Variants in GAPVD1 observed in about 807,000 individuals in gnomAD.
GAPVD1 encodes the protein GTPase-activating protein and VPS9 domain-containing protein 1.
In GAPVD1, 35 loss-of-function variants were observed where a neutral mutation model predicts 155.5. The ratio of observed to expected loss-of-function variants is 0.23; its 90% confidence interval spans 0.17 to 0.30. The LOEUF is 0.30. GAPVD1 is among the 10% of genes least tolerant of loss of function. The probability of loss-of-function intolerance (pLI) is 1.00; values close to 1 mark genes in which losing one functional copy is unlikely to be tolerated. For missense variants in GAPVD1, 1,429 were observed against 1,775.7 expected, an observed-to-expected ratio of 0.80 and a Z score of 3.51; for synonymous variants, 636 against 619.7, an observed-to-expected ratio of 1.03 and a Z score of -0.39.
rs193015379 is a variant in GAPVD1 at position 125,285,005 on chromosome 9, G to A, written c.-149-10453G>A. Among the ~76,000 whole-genome samples the A allele has an allele frequency of 2.5e-3, 375 of 152,206 alleles. 4 individuals carry two copies. The highest frequency in any genetic ancestry group is 8.0e-3 in the African/African-American group (331 of 41,524). On this transcript the variant is annotated intron_variant, in intron 2 of 27. Coordinates refer to ENST00000297933, the MANE Select transcript of GAPVD1 (RefSeq NM_001282680.3). ...TGTAATTCATAAATTTCACCTTATCGGACAGTGCCTCCTCTCTGTGCTTTG... is the reference window on the plus strand; with the variant it reads ...TGTAATTCATAAATTTCACCTTATCAGACAGTGCCTCCTCTCTGTGCTTTG...
rs1359307435 is a variant in GAPVD1 at position 125,264,762 on chromosome 9, A to G, written c.-199+2803A>G. 1.0e-4 allele frequency among the ~76,000 whole-genome samples: 15 copies of G among 149,624 alleles called. No homozygotes were observed. In the Admixed American group the frequency reaches 1.0e-3, roughly 10 times the overall value. ...GAGATGGAGTCTCAGGCTGTCGCCC[A>G]GGCTGGAGTGCAGTGGCGCGATCTC... On this transcript the variant is annotated intron_variant, in intron 1 of 27. Transcript: ENST00000297933.
At chr9:125,347,406 A>G (rs1226917170) in intron 20 of GAPVD1, among the ~76,000 whole-genome samples, 1 of 152,208 alleles carries the variant, frequency 6.6e-6, no homozygotes, top group Non-Finnish European at 1.5e-5. Context: ...AGTCCCCAAG[A>G]TAAATGAAGA....
chr9:125,353,098 ACT>A (rs1467646231), intron 23 of GAPVD1, among the ~76,000 whole-genome samples: 1 of 151,222 alleles, frequency 6.6e-6, no homozygotes, highest in Non-Finnish European at 1.5e-5. Context: ...CAAGAGTGAA[ACT>A]CTGTCTCAAG....
Position 125,355,760 on chromosome 9 carries a change from C to T in GAPVD1, c.3874C>T (p.Leu1292Phe). 1 of 1,612,920 alleles carries T rather than the reference C, an allele frequency of 6.2e-7. No individual in the cohort carries two copies. Among genetic ancestry groups the T allele is most frequent in the Non-Finnish European group, 8.5e-7 (1 of 1,178,880 alleles). ...ATGGCAAAACGCGAGTGAAGAACAG[C>T]TTCAAGATGCACAGCTGGCCATTGA... is the stretch of plus-strand genomic sequence containing the variant. ...VIWQNASEEQ[L>F]QDAQLAIERS... Residue 1292 changes from leucine to phenylalanine, a missense_variant, in exon 25 of 28, where the codon CTT (leucine) becomes TTT (phenylalanine). By Grantham distance (22) the Leu-to-Phe change is conservative (BLOSUM62 0). This residue lies in a region of GAPVD1 where 699 missense variants were observed against 826.0 expected (regional missense o/e 0.85). Transcript: ENST00000297933.
intron 9 of GAPVD1, among the ~76,000 whole-genome samples, chr9:125,317,152 G>A (rs931915313): frequency 2.0e-5 from 3 of 150,896 alleles, no homozygotes; most frequent in Admixed American, 6.6e-5. Flanking sequence ...ACCCCGTCTC[G>A]ACTAAAAATA....
intron 15 of GAPVD1, among the ~76,000 whole-genome samples, chr9:125,335,799 A>T (rs1846838311): frequency 6.6e-6 from 1 of 152,218 alleles, no homozygotes; most frequent in African/African-American, 2.4e-5. Context: ...CTAATATAGA[A>T]TATCAATAGA....
Position 125,332,499 on chromosome 9 carries a change from G to A in GAPVD1, c.2309-11G>A, listed in dbSNP as rs1318645922. The A allele has an allele frequency of 5.1e-6, 8 of 1,561,774 alleles. No homozygotes were observed. The highest frequency in any genetic ancestry group is 2.0e-5 in the Admixed American group (1 of 49,310). On this transcript the variant is annotated splice_polypyrimidine_tract_variant and intron_variant, in intron 14 of 27. Transcript: ENST00000297933. ...TTCTTCCTGTTTATTTTTTACTATT[G>A]TTTTTTAAAGGCATAAGTGCAACCT...
intron 5 of GAPVD1, among the ~76,000 whole-genome samples, chr9:125,303,075 AGTGCAGT>A (rs1841169774): frequency 6.6e-6 from 1 of 152,070 alleles, no homozygotes. Flanking sequence ...CCCAGGCTGG[AGTGCAGT>A]GGCGCAATCT....
intron 8 of GAPVD1, among the ~76,000 whole-genome samples, chr9:125,310,818 G>A (rs1759433): frequency 0.6 from 90,071 of 150,406 alleles, 28,984 homozygotes; most frequent in African/African-American, 0.86. Context: ...GATTACAGGC[G>A]TGAGCCACCG....
chr9:125,326,064 C>T (rs563272787), intron 11 of GAPVD1, among the ~76,000 whole-genome samples: 9 of 152,282 alleles, frequency 5.9e-5, no homozygotes, highest in African/African-American at 9.6e-5. Context: ...GGATTTGGTA[C>T]GATCCGAAGC....
At position 125,350,716 on chromosome 9, in the gene GAPVD1, A is replaced by G. The variant is rs1031561869; in HGVS notation, c.3413A>G (p.Asn1138Ser). The change falls in exon 23 of 28, where the codon AAT (asparagine) becomes AGT (serine). Residue 1138 changes from asparagine (N) to serine (S), a missense_variant. Asn to Ser is a conservative substitution (Grantham distance 46, BLOSUM62 1). Around this residue, in one of 4 missense-constraint regions of GAPVD1, gnomAD observed 699 missense variants for 826.0 expected, o/e 0.85. Coordinates refer to ENST00000297933, the MANE Select transcript of GAPVD1 (RefSeq NM_001282680.3). ...GLPDHTDPEDNEIVCFLKVQI... is the reference protein window; with the variant it reads ...GLPDHTDPEDSEIVCFLKVQI... ...AATTCTTGTATCTTTTATTTAGACAATGAAATTGTATGCTTCTTAAAAGTT... is the reference window on the plus strand; with the variant it reads ...AATTCTTGTATCTTTTATTTAGACAGTGAAATTGTATGCTTCTTAAAAGTT... The G allele has an allele frequency of 7.3e-6, 11 of 1,499,286 alleles. No individual in the cohort carries two copies. Among genetic ancestry groups the G allele is most frequent in the South Asian group, 4.6e-5 (4 of 86,848 alleles). The allele number at this position is 1,499,286 out of a possible 1,614,324, so 92.9% of individuals were successfully genotyped here.
intron 23 of GAPVD1, among the ~76,000 whole-genome samples, chr9:125,351,746 T>C (rs1421087195): frequency 6.6e-6 from 1 of 151,884 alleles, no homozygotes; most frequent in Non-Finnish European, 1.5e-5. Context: ...CTTTCTTTTT[T>C]TTTTTTCCCC....
In GAPVD1 at chr9:125,367,102, C is replaced by T. The variant is rs2132845457; in HGVS notation, c.*4356C>T. The stretch of plus-strand genomic sequence containing the variant: ...ATAAGTCTCAATTAATGAGCTTGCA[C>T]AATCTTGTATATGTACAGGAAACCC... On this transcript the variant is annotated 3_prime_UTR_variant, in exon 28 of 28. Transcript: ENST00000297933. The T allele has an allele frequency of 6.6e-6, 1 of 152,322 alleles. No individual in the cohort carries two copies. Among genetic ancestry groups the T allele is most frequent in the Non-Finnish European group, 1.5e-5 (1 of 68,032 alleles). 9.4% of individuals were successfully genotyped at this position (152,322 alleles called of 1,614,324 possible). A position where few individuals can be genotyped will look rare whatever the true frequency, so the allele number is the denominator to read the frequency against.
Position 125,350,884 on chromosome 9 carries a change from C to A in GAPVD1, c.3569+12C>A, listed in dbSNP as rs779014607. On this transcript the variant is annotated intron_variant, in intron 23 of 27. Coordinates refer to ENST00000297933, the MANE Select transcript of GAPVD1 (RefSeq NM_001282680.3). ...GCTGAGGACTACAGGTAATATACCC[C>A]ACCTGTTCAGCTTTTAAACCTAGTT... The A allele has an allele frequency of 1.1e-5, 17 of 1,588,080 alleles. No individual in the cohort carries two copies. Among genetic ancestry groups the A allele is most frequent in the Non-Finnish European group, 1.5e-5 (17 of 1,166,632 alleles).
chr9:125,294,438 T>C (rs1411926067), intron 2 of GAPVD1, among the ~76,000 whole-genome samples: 1 of 150,138 alleles, frequency 6.7e-6, no homozygotes, highest in Non-Finnish European at 1.5e-5. Flanking sequence ...CCTTCACCTC[T>C]TGGGTTTGAG....
At chr9:125,359,595 A>G (rs1850631293) in intron 26 of GAPVD1, 103 bp downstream of exon 26, 1 of 684,306 alleles carries the variant, frequency 1.5e-6, no homozygotes, top group Admixed American at 2.3e-5. Context: ...GTGATAAAAT[A>G]TAAAACATCA....
intron 2 of GAPVD1, among the ~76,000 whole-genome samples, chr9:125,274,687 C>T (rs1017247227): frequency 6.6e-6 from 1 of 152,088 alleles, no homozygotes; most frequent in African/African-American, 2.4e-5. Context: ...GTCTTGAACC[C>T]CCAACCTAAG....
chr9:125,335,425 C>T (rs1846762036), intron 15 of GAPVD1, among the ~76,000 whole-genome samples: 1 of 151,740 alleles, frequency 6.6e-6, no homozygotes, highest in South Asian at 2.1e-4. Context: ...CGCCCATAAT[C>T]CCAGCACTTT....
At chr9:125,317,027 T>C (rs1843520947) in intron 9 of GAPVD1, among the ~76,000 whole-genome samples, 1 of 151,878 alleles carries the variant, frequency 6.6e-6, no homozygotes, top group East Asian at 1.9e-4. Flanking sequence ...TAATAGAAAA[T>C]GTCCTTGATG....
Sources: gnomAD v4.1 joint callset for allele counts (sites outside exome capture counted in the v4.1 genomes callset) on GRCh38, gnomAD v4.1.1 for gene constraint, gnomAD v4.1.1 regional missense constraint, MANE v1.5 for transcripts, NCBI Gene and HGNC (gene_info 2026-07-23, HGNC 2026-07-21) for gene names.